ANO8: variants seen among roughly 807,000 people sequenced by gnomAD.
ANO8 encodes anoctamin 8.
Under a neutral mutation model 120.4 loss-of-function variants are expected in ANO8, and 67 were observed. That is an observed-to-expected ratio of 0.56 (90% CI 0.46 to 0.68). The LOEUF is 0.68. Ranked by LOEUF, ANO8 falls within the 30% of genes least tolerant of loss-of-function variation. ANO8 has a pLI of 0.00. For missense variants in ANO8, 1,526 were observed against 1,737.6 expected, an observed-to-expected ratio of 0.88 and a Z score of 2.16; for synonymous variants, 727 against 759.2, an observed-to-expected ratio of 0.96 and a Z score of 0.70.
intron 5 of ANO8, among the ~76,000 whole-genome samples, chr19:17,331,669 GAC>G (rs1289146103): frequency 6.8e-6 from 1 of 146,584 alleles, no homozygotes; most frequent in Non-Finnish European, 1.5e-5. Flanking sequence ...TTTTTTTTGA[GAC>G]AGTCTCACTC....
chr19:17,325,494 A>G, intron 16 of ANO8, 108 bp from the exon 17 acceptor site: 4 of 1,425,288 alleles, frequency 2.8e-6, no homozygotes, highest in Non-Finnish European at 3.7e-6. Flanking sequence ...GGAGACTTAA[A>G]TGCTTATTAG....
chr19:17,330,578 C>G, intron 8 of ANO8, 74 bp from the exon 9 acceptor site: 1 of 1,450,868 alleles, frequency 6.9e-7, no homozygotes. Context: ...CCTCCCTATC[C>G]TCAGAACTCA....
At chr19:17,330,088 G>A (rs1412515034) in intron 10 of ANO8, 37 bp downstream of exon 10, 10 of 1,613,738 alleles carry the variant, frequency 6.2e-6, no homozygotes, top group South Asian at 1.1e-5. Flanking sequence ...AGGGGCAGTG[G>A]AGACCTTCCT....
Position 17,330,192 on chromosome 19 carries a change from C to T in ANO8, c.1206G>A (p.Met402Ile). ...PRLARFLPKV[M>I]LALLVSVSAE... Reference sequence around the variant, plus strand: ...CACTCACACTGACAAGCAGGGCCAGCATGACCTTAGGCAGGAATCGGGCGA... The same window carrying T: ...CACTCACACTGACAAGCAGGGCCAGTATGACCTTAGGCAGGAATCGGGCGA... The change falls in exon 10 of 18, where the codon ATG becomes ATA. Residue 402 changes from methionine to isoleucine, a missense_variant. Around this residue, in one of 8 missense-constraint regions of ANO8, gnomAD observed 91 missense variants for 85.3 expected, o/e 1.07. Transcript: ENST00000159087. The T allele has an allele frequency of 6.2e-7, 1 of 1,614,110 alleles. No individual in the cohort carries two copies. Among genetic ancestry groups the T allele is most frequent in the Non-Finnish European group, 8.5e-7 (1 of 1,180,040 alleles).
At position 17,330,495 on chromosome 19, in the gene ANO8, G is replaced by T. The variant is rs1039560364; in HGVS notation, c.1003C>A (p.Arg335Ser). The change falls in exon 9 of 18, where the codon CGT becomes AGT. Residue 335 changes from arginine (R) to serine (S), a missense_variant. Coordinates refer to ENST00000159087, the MANE Select transcript of ANO8 (RefSeq NM_020959.3). ...EPRPQFRGVR[R>S]ISPITRAEEF... ...TCGGCCCGCGTGATGGGGCTGATAC[G>T]TCGCACGCCCTGATGGTGGGCAAAG... 1 of 1,529,004 alleles carries T rather than the reference G, an allele frequency of 6.5e-7. No individual in the cohort carries two copies. Among genetic ancestry groups the T allele is most frequent in the Non-Finnish European group, 8.8e-7 (1 of 1,134,936 alleles). The allele number at this position is 1,529,004 out of a possible 1,614,324, so 94.7% of individuals were successfully genotyped here. A position where few individuals can be genotyped will look rare whatever the true frequency, so the allele number is the denominator to read the frequency against.
Position 17,324,713 on chromosome 19 carries a change from T to C in ANO8, c.3331+4A>G, listed in dbSNP as rs762446614. The stretch of plus-strand genomic sequence containing the variant: ...GTCCCCACCCCCGAGTTAAAGCTTG[T>C]GACCTGAGCCTTCCTCTTCGGGCCG... On this transcript the variant is annotated splice_donor_region_variant and intron_variant, in intron 17 of 17. Transcript: ENST00000159087. 4.6e-6 allele frequency: 7 copies of C among 1,519,038 alleles called. No homozygotes were observed. The highest frequency in any genetic ancestry group is 5.3e-6 in the Non-Finnish European group (6 of 1,135,936). 94.1% of individuals were successfully genotyped at this position (1,519,038 alleles called of 1,614,324 possible). A position where few individuals can be genotyped will look rare whatever the true frequency, so the allele number is the denominator to read the frequency against.
At position 17,328,269 on chromosome 19, in the gene ANO8, G is replaced by C. The variant is rs1452311702; in HGVS notation, c.2119C>G (p.Arg707Gly). The change falls in exon 13 of 18, where the codon CGT becomes GGT. Residue 707 changes from arginine (R) to glycine (G), a missense_variant. By Grantham distance (125) the Arg-to-Gly change is moderately radical. Coordinates refer to ENST00000159087, the MANE Select transcript of ANO8 (RefSeq NM_020959.3). The stretch of plus-strand genomic sequence containing the variant: ...GACCGGTTCTGCCGTCTCTGCCTAC[G>C]GGTCGAATCGCTGTTGGAGCCGGGT... ...PEPGSNSDST[R>G]RQRRQNRSSW... 1.9e-6 allele frequency: 3 copies of C among 1,610,402 alleles called. No homozygotes were observed. Among genetic ancestry groups the C allele is most frequent in the African/African-American group, 1.3e-5 (1 of 74,880 alleles).
rs1041538990 is a variant in ANO8 at position 17,325,088 on chromosome 19, T to C, written c.2960A>G (p.Lys987Arg). 1.9e-6 allele frequency: 3 copies of C among 1,613,518 alleles called. No homozygotes were observed. In the African/African-American group the frequency reaches 4.0e-5, roughly 22 times the overall value. ...KLKQIIPLQG[K>R]FLSSGATSSL... Reference sequence around the variant, plus strand: ...GGATGTGGCCCCTGACGAGAGGAATTTGCCCTGCAGTGGGATGATCTGCTT... The same window carrying C: ...GGATGTGGCCCCTGACGAGAGGAATCTGCCCTGCAGTGGGATGATCTGCTT... Residue 987 changes from lysine (K) to arginine (R), a missense_variant, in exon 17 of 18, where the codon AAA becomes AGA. Lys to Arg is a conservative substitution (Grantham distance 26). Coordinates refer to ENST00000159087, the MANE Select transcript of ANO8 (RefSeq NM_020959.3).
Position 17,333,169 on chromosome 19 carries a change from C to T in ANO8, c.421G>A (p.Gly141Ser), listed in dbSNP as rs1221764677. 6.2e-7 allele frequency: 1 copy of T among 1,610,214 alleles called. No homozygotes were observed. Among genetic ancestry groups the T allele is most frequent in the South Asian group, 1.1e-5 (1 of 90,712 alleles). Reference protein sequence around the residue: ...VKAEFGGGTRGFSCEEDFIYE... With the variant: ...VKAEFGGGTRSFSCEEDFIYE... Reference sequence around the variant, plus strand: ...ATAAAGTCCTCCTCGCAGGAGAAGCCGCGGGTGCCCCCGCCAAACTCGGCC... The same window carrying T: ...ATAAAGTCCTCCTCGCAGGAGAAGCTGCGGGTGCCCCCGCCAAACTCGGCC... The change falls in exon 4 of 18, where the codon GGC (glycine) becomes AGC (serine). Residue 141 changes from glycine to serine, a missense_variant. Gly to Ser is a moderately conservative substitution (Grantham distance 56). Around this residue, in one of 8 missense-constraint regions of ANO8, gnomAD observed 322 missense variants for 431.8 expected, o/e 0.75. Transcript: ENST00000159087. The surrounding 1 kb of genome is among the most constrained non-coding windows in gnomAD (Gnocchi z 7.2).
intron 16 of ANO8, among the ~76,000 whole-genome samples, chr19:17,326,911 G>A (rs59624987): frequency 0.011 from 1,628 of 152,326 alleles, 29 homozygotes; most frequent in African/African-American, 0.037. Flanking sequence ...GACTGGACCC[G>A]TTGTGAACAC....
chr19:17,324,724 T>C lies in ANO8; in HGVS notation c.3324A>G (p.Glu1108=), dbSNP rs1354661772. The C allele has an allele frequency of 1.3e-6, 2 of 1,522,774 alleles. No homozygotes were observed. The highest frequency in any genetic ancestry group is 1.4e-5 in the African/African-American group (1 of 71,812). The allele number at this position is 1,522,774 out of a possible 1,614,324, so 94.3% of individuals were successfully genotyped here. A position where few individuals can be genotyped will look rare whatever the true frequency, so the allele number is the denominator to read the frequency against. The part of the protein sequence containing the change: ...EELEAPRPEE[E]GSGTALAPVG... Reference sequence around the variant, plus strand: ...CGAGTTAAAGCTTGTGACCTGAGCCTTCCTCTTCGGGCCGGGGGGCTTCCA... The same window carrying C: ...CGAGTTAAAGCTTGTGACCTGAGCCCTCCTCTTCGGGCCGGGGGGCTTCCA... The change falls in exon 17 of 18, where the codon GAA becomes GAG. Residue 1108 remains glutamate, a synonymous_variant. Coordinates refer to ENST00000159087, the MANE Select transcript of ANO8 (RefSeq NM_020959.3).
Position 17,325,307 on chromosome 19 carries a change from G to T in ANO8, c.2741C>A (p.Ala914Glu). The change falls in exon 17 of 18, where the codon GCA (alanine) becomes GAA (glutamate). Residue 914 changes from alanine to glutamate, a missense_variant. Physicochemically the swap from Ala to Glu is moderately radical, Grantham distance 107. Coordinates refer to ENST00000159087, the MANE Select transcript of ANO8 (RefSeq NM_020959.3). ...ATGCTCCCGCCGGGCATGGTGCTCT[G>T]CATGGCGCTGTCGCTCCTCCTCCTC... ...RREEEERQRH[A>E]EHHARREHDS... The T allele has an allele frequency of 6.2e-7, 1 of 1,605,686 alleles. No homozygotes were observed. Among genetic ancestry groups the T allele is most frequent in the Non-Finnish European group, 8.5e-7 (1 of 1,179,820 alleles).
chr19:17,326,406 G>A (rs950289503), intron 16 of ANO8, among the ~76,000 whole-genome samples: 1 of 152,182 alleles, frequency 6.6e-6, no homozygotes, highest in Non-Finnish European at 1.5e-5. Flanking sequence ...GGAGGCATGA[G>A]AATTGCTTAA....
At position 17,328,680 on chromosome 19, in the gene ANO8, C is replaced by T; in HGVS notation, c.1708G>A (p.Gly570Ser). Residue 570 changes from glycine (G) to serine (S), a missense_variant, in exon 13 of 18, where the codon GGC becomes AGC. Physicochemically the swap from Gly to Ser is moderately conservative, Grantham distance 56. Coordinates refer to ENST00000159087, the MANE Select transcript of ANO8 (RefSeq NM_020959.3). Reference protein sequence around the residue: ...ALVERRRAGEGGEEGDGPPGG... With the variant: ...ALVERRRAGESGEEGDGPPGG... The stretch of plus-strand genomic sequence containing the variant: ...GGAGGCCCGTCCCCCTCCTCCCCGC[C>T]TTCCCCCGCCCGCCGCCGCTCCACC... 7.1e-7 allele frequency: 1 copy of T among 1,405,562 alleles called. No individual in the cohort carries two copies. Among genetic ancestry groups the T allele is most frequent in the Non-Finnish European group, 9.4e-7 (1 of 1,069,488 alleles). 87.1% of individuals were successfully genotyped at this position (1,405,562 alleles called of 1,614,324 possible). A position where few individuals can be genotyped will look rare whatever the true frequency, so the allele number is the denominator to read the frequency against.
At chr19:17,329,154 T>C in intron 12 of ANO8, 171 bp from the exon 13 acceptor site, 1 of 529,144 alleles carries the variant, frequency 1.9e-6, no homozygotes, top group East Asian at 3.5e-5. Flanking sequence ...CCCCCAGCGC[T>C]CAGCCACAAA....
chr19:17,331,972 G>A (rs866372556), intron 5 of ANO8, among the ~76,000 whole-genome samples: 1 of 102,262 alleles, frequency 9.8e-6, no homozygotes, highest in Non-Finnish European at 1.9e-5. Context: ...GTCTAGCTGT[G>A]TCACCAGGCT....
Position 17,323,807 on chromosome 19 carries a change from G to A in ANO8, c.3409C>T (p.Pro1137Ser). ...GGCGGTGTCGGGGGCCGGGGCAGCG[G>A]CATTGGCGGCGGCGGCGCGGGGCTC... ...SRSPAPPPPM[P>S]LPRPPTPPAG... The change falls in exon 18 of 18, where the codon CCG (proline) becomes TCG (serine). Residue 1137 changes from proline to serine, a missense_variant. By Grantham distance (74) the Pro-to-Ser change is moderately conservative. Coordinates refer to ENST00000159087, the MANE Select transcript of ANO8 (RefSeq NM_020959.3). 8.7e-7 allele frequency: 1 copy of A among 1,147,908 alleles called. No homozygotes were observed. Among genetic ancestry groups the A allele is most frequent in the Non-Finnish European group, 1.1e-6 (1 of 933,776 alleles). The allele number at this position is 1,147,908 out of a possible 1,614,324, so 71.1% of individuals were successfully genotyped here.
Position 17,323,849 on chromosome 19 carries a change from G to A in ANO8, c.3367C>T (p.Arg1123Cys), listed in dbSNP as rs2074255306. The A allele has an allele frequency of 8.9e-7, 1 of 1,124,850 alleles. No individual in the cohort carries two copies. The allele number at this position is 1,124,850 out of a possible 1,614,324, so 69.7% of individuals were successfully genotyped here. Residue 1123 changes from arginine (R) to cysteine (C), a missense_variant, in exon 18 of 18, where the codon CGC (arginine) becomes TGC (cysteine). Arg to Cys is a radical substitution (Grantham distance 180). Transcript: ENST00000159087. ...GCGGGGCTCCGGCTGCGGCGGGTGCGGAGGGCAGGGGCGCCCACGGGGGCC... is the reference window on the plus strand; with the variant it reads ...GCGGGGCTCCGGCTGCGGCGGGTGCAGAGGGCAGGGGCGCCCACGGGGGCC... ...ALAPVGAPAL[R>C]TRRSRSPAPP...
chr19:17,326,842 G>C (rs2074276317), intron 16 of ANO8, among the ~76,000 whole-genome samples: 1 of 152,208 alleles, frequency 6.6e-6, no homozygotes, highest in Non-Finnish European at 1.5e-5. Context: ...CAAGCTGGTG[G>C]ATGGCTGAAG....
Sources: gnomAD v4.1 joint callset for allele counts (sites outside exome capture counted in the v4.1 genomes callset) on GRCh38, gnomAD v4.1.1 for gene constraint, gnomAD v4.1.1 regional missense constraint, Gnocchi (gnomAD v3.1) non-coding constraint, MANE v1.5 for transcripts, NCBI Gene and HGNC (gene_info 2026-07-23, HGNC 2026-07-21) for gene names.